Variants in RGS22 observed in about 807,000 individuals in gnomAD.
The protein encoded by RGS22 is regulator of G-protein signaling 22.
Under a neutral mutation model 172.9 loss-of-function variants are expected in RGS22, and 148 were observed. The ratio of observed to expected loss-of-function variants is 0.86; its 90% CI spans 0.75 to 0.98. The LOEUF is 0.98. Among genes scored for constraint, RGS22 ranks in the 50% least tolerant of loss-of-function variants. The probability of loss-of-function intolerance (pLI) is 0.00; values close to 1 mark genes in which losing one functional copy is unlikely to be tolerated. For missense variants in RGS22, 1,347 were observed against 1,440.8 expected (o/e 0.93, Z 1.05); for synonymous variants, 458 against 480.2 (o/e 0.95, Z 0.60).
chr8:99,961,315 C>T, intron 27 of RGS22, 119 bp from the exon 28 acceptor site: 1 of 372,200 alleles, frequency 2.7e-6, no homozygotes, highest in South Asian at 2.2e-5. Flanking sequence ...GGCTGTGTCC[C>T]CACCCAAATC....
At chr8:100,070,047 AACAAAAC>A (rs1810849089) in intron 6 of RGS22, among the ~76,000 whole-genome samples, 5 of 120,112 alleles carry the variant, frequency 4.2e-5, no homozygotes, top group Admixed American at 1.0e-4. Flanking sequence ...AAAAAAAAAA[AACAAAAC>A]AAAACTAGGA....
At chr8:100,009,128 C>T (rs1300867645) in intron 14 of RGS22, among the ~76,000 whole-genome samples, 4 of 151,888 alleles carry the variant, frequency 2.6e-5, no homozygotes, top group Non-Finnish European at 4.4e-5. Flanking sequence ...AGCATAAGAG[C>T]GAATGGAGGC....
At chr8:100,015,030 A>G (rs1166946345) in intron 14 of RGS22, among the ~76,000 whole-genome samples, 1 of 152,220 alleles carries the variant, frequency 6.6e-6, no homozygotes, top group Non-Finnish European at 1.5e-5. Flanking sequence ...ATAATGTGAA[A>G]TTTAGAATGA....
intron 21 of RGS22, among the ~76,000 whole-genome samples, chr8:99,982,360 C>T (rs1379717873): frequency 6.6e-6 from 1 of 152,176 alleles, no homozygotes; most frequent in East Asian, 1.9e-4. Context: ...ATCACTTATT[C>T]CTCTAGGCAA....
At chr8:100,022,746 AATTT>A (rs959806739) in intron 14 of RGS22, among the ~76,000 whole-genome samples, 25 of 151,980 alleles carry the variant, frequency 1.6e-4, no homozygotes, top group Admixed American at 6.5e-4. Flanking sequence ...TTAATTAATT[AATTT>A]ATTTATTTAT....
chr8:100,035,435 G>A (rs568358301), intron 14 of RGS22, among the ~76,000 whole-genome samples: 35 of 152,152 alleles, frequency 2.3e-4, no homozygotes, highest in African/African-American at 6.7e-4. Flanking sequence ...TTAGAATGGC[G>A]TTCATTAAAA....
intron 3 of RGS22, among the ~76,000 whole-genome samples, chr8:100,088,334 C>A (rs1812311322): frequency 6.6e-6 from 1 of 152,052 alleles, no homozygotes; most frequent in Non-Finnish European, 1.5e-5. Context: ...CTATAAATGT[C>A]ACAAACATTT....
Position 100,093,526 on chromosome 8 carries a change from T to A in RGS22, c.55-17A>T, listed in dbSNP as rs764867781. 6.6e-7 allele frequency: 1 copy of A among 1,508,912 alleles called. No individual in the cohort carries two copies. The highest frequency in any genetic ancestry group is 1.4e-5 in the African/African-American group (1 of 71,722). 93.5% of individuals were successfully genotyped at this position (1,508,912 alleles called of 1,614,324 possible). A position where few individuals can be genotyped will look rare whatever the true frequency, so the allele number is the denominator to read the frequency against. On this transcript the variant is annotated splice_polypyrimidine_tract_variant and intron_variant, in intron 2 of 27. Transcript: ENST00000360863. ...AGAATCTTCCTGCAAAAAAAAAACA[T>A]AAAAACACAGTATTATAATTATACA...
At position 99,981,869 on chromosome 8, in the gene RGS22, A is replaced by AT. The variant is rs559915843; in HGVS notation, c.3360+67dup. Reference sequence around the variant, plus strand: ...GAGCCACCACGCCTGGCCCAAAAGGATATCTATCTTTAAAAGGATTGTCAA... The same window carrying AT: ...GAGCCACCACGCCTGGCCCAAAAGGATTATCTATCTTTAAAAGGATTGTCAA... On this transcript the variant is annotated intron_variant, in intron 22 of 27. Transcript: ENST00000360863. The AT allele has an allele frequency of 7.2e-3, 10,322 of 1,439,714 alleles. 55 individuals are homozygous for AT. The highest frequency in any genetic ancestry group is 8.8e-3 in the Non-Finnish European group (9,381 of 1,064,570). 89.2% of individuals were successfully genotyped at this position (1,439,714 alleles called of 1,614,324 possible). A position where few individuals can be genotyped will look rare whatever the true frequency, so the allele number is the denominator to read the frequency against.
At chr8:100,105,771 C>T (rs1310162708) in intron 1 of RGS22, 126 bp downstream of exon 1, 1 of 810,366 alleles carries the variant, frequency 1.2e-6, no homozygotes. Flanking sequence ...GCAGTGAAGC[C>T]CTTTTTTCTC....
intron 9 of RGS22, 74 bp downstream of exon 9, chr8:100,062,517 G>A (rs976087523): frequency 4.5e-5 from 45 of 991,218 alleles, no homozygotes; most frequent in East Asian, 4.3e-4. Context: ...TTATATATCC[G>A]TAAGACAAAA....
Position 100,093,586 on chromosome 8 carries a change from C to A in RGS22, c.55-77G>T, listed in dbSNP as rs537861304. On this transcript the variant is annotated intron_variant, in intron 2 of 27. Coordinates refer to ENST00000360863, the MANE Select transcript of RGS22 (RefSeq NM_015668.5). ...ATGCCTATATTATTCTCTATTTCTG[C>A]TACGAATTTATTATCACATAGATCT... 1.2e-5 allele frequency: 12 copies of A among 975,698 alleles called. No individual in the cohort carries two copies. In the South Asian group the frequency reaches 1.8e-4, roughly 15 times the overall value. The allele number at this position is 975,698 out of a possible 1,614,324, so 60.4% of individuals were successfully genotyped here. A position where few individuals can be genotyped will look rare whatever the true frequency, so the allele number is the denominator to read the frequency against.
chr8:100,021,406 A>T lies in RGS22; in HGVS notation c.2167-12837T>A, dbSNP rs532304818. ...GTCAAAACTAAGCTTCAAATATTAC[A>T]TTTATCCTCAGTCTGATAAATTAAT... On this transcript the variant is annotated intron_variant, in intron 14 of 27. Coordinates refer to ENST00000360863, the MANE Select transcript of RGS22 (RefSeq NM_015668.5). Among the ~76,000 whole-genome samples, 9 of 152,366 alleles carry T rather than the reference A, an allele frequency of 5.9e-5. No homozygotes were observed. The East Asian group carries it at 1.3e-3, about 23-fold the overall frequency.
intron 11 of RGS22, among the ~76,000 whole-genome samples, chr8:100,046,657 C>T (rs1820751798): frequency 6.7e-6 from 1 of 149,526 alleles, no homozygotes; most frequent in Non-Finnish European, 1.5e-5. Context: ...AATAAATCTG[C>T]TTAAAGGCAT....
At position 100,105,894 on chromosome 8, in the gene RGS22, T is replaced by C; in HGVS notation, c.25+3A>G. On this transcript the variant is annotated splice_donor_region_variant and intron_variant, in intron 1 of 27. Transcript: ENST00000360863. ...CCTCTGTCCCTGTGGGGCCGCCACC[T>C]ACCCGCGGTGAGCCTCTTCTCGGGC... The C allele has an allele frequency of 6.7e-7, 1 of 1,501,518 alleles. No individual in the cohort carries two copies. The highest frequency in any genetic ancestry group is 1.3e-5 in the South Asian group (1 of 79,434). 93.0% of individuals were successfully genotyped at this position (1,501,518 alleles called of 1,614,324 possible). A position where few individuals can be genotyped will look rare whatever the true frequency, so the allele number is the denominator to read the frequency against.
intron 20 of RGS22, among the ~76,000 whole-genome samples, chr8:99,992,726 A>G (rs1813897118): frequency 6.6e-6 from 1 of 152,222 alleles, no homozygotes; most frequent in African/African-American, 2.4e-5. Flanking sequence ...AAAATTAACA[A>G]GGATATCCAG....
At chr8:99,963,050 T>C (rs895148407) in intron 24 of RGS22, 72 bp from the exon 25 acceptor site, 2 of 1,166,510 alleles carry the variant, frequency 1.7e-6, no homozygotes, top group Non-Finnish European at 1.2e-6. Context: ...TAAGATGTCT[T>C]CTATCAGCCT....
chr8:100,057,090 G>A (rs892870582), intron 9 of RGS22, among the ~76,000 whole-genome samples: 1 of 152,244 alleles, frequency 6.6e-6, no homozygotes, highest in Non-Finnish European at 1.5e-5. Context: ...GTGAGACATA[G>A]AATCAAAGGA....
intron 16 of RGS22, among the ~76,000 whole-genome samples, chr8:100,005,225 T>A (rs117190914): frequency 0.022 from 3,274 of 151,710 alleles, 54 homozygotes; most frequent in Non-Finnish European, 0.032. Context: ...GAAGAAAGTT[T>A]AAAAAAAAAT....
Sources: allele counts gnomAD v4.1 joint callset (sites outside exome capture counted in the v4.1 genomes callset), GRCh38; gene constraint gnomAD v4.1.1; transcripts MANE v1.5; gene names NCBI Gene and HGNC (gene_info 2026-07-23, HGNC 2026-07-21).